Variants in TEX22 observed in about 807,000 individuals in gnomAD.
The protein encoded by TEX22 is testis-expressed protein 22.
A neutral mutation model predicts 11.3 loss-of-function variants in TEX22; 16 were observed. The ratio of observed to expected loss-of-function variants is 1.42; its 90% CI spans 0.96 to 2.15. The LOEUF is 2.15. Ranked by LOEUF, TEX22 falls within the 30% of genes most tolerant of loss-of-function variation. The pLI, the probability that TEX22 is intolerant of heterozygous loss-of-function variation, is 0.00. For missense variants in TEX22, 220 were observed against 208.6 expected, an observed-to-expected ratio of 1.05 and a Z score of -0.34; for synonymous variants, 97 against 92.3, an observed-to-expected ratio of 1.05 and a Z score of -0.29.
Position 105,411,905 on chromosome 14 carries a change from G to T in TEX22, c.*72G>T. 1 of 1,348,226 alleles carries T rather than the reference G, an allele frequency of 7.4e-7. No homozygotes were observed. Among genetic ancestry groups the T allele is most frequent in the Non-Finnish European group, 9.6e-7 (1 of 1,039,062 alleles). 83.5% of individuals were successfully genotyped at this position (1,348,226 alleles called of 1,614,324 possible). On this transcript the variant is annotated 3_prime_UTR_variant, in exon 4 of 4. Coordinates refer to ENST00000451127, the MANE Select transcript of TEX22 (RefSeq NM_001195082.2). ...GGCCCACGGTGGGGGCAGCCTCTGC[G>T]CCTTCTTTGTGCCCCACCAGGGGGT... is the stretch of plus-strand genomic sequence containing the variant.
At chr14:105,399,263 TGTG>T in intron 1 of TEX22, 36 bp from the exon 2 acceptor site, 2 of 1,251,630 alleles carry the variant, frequency 1.6e-6, no homozygotes. Flanking sequence ...TGGGTGGCCT[TGTG>T]GGCCCCGCCC....
At position 105,411,929 on chromosome 14, in the gene TEX22, G is replaced by A. The variant is rs587730561; in HGVS notation, c.*96G>A. ...CGCCTTCTTTGTGCCCCACCAGGGG[G>A]TCACCACCCACCCATGTTAGGAAAA... is the stretch of plus-strand genomic sequence containing the variant. On this transcript the variant is annotated 3_prime_UTR_variant, in exon 4 of 4. Coordinates refer to ENST00000451127, the MANE Select transcript of TEX22 (RefSeq NM_001195082.2). 6.5e-6 allele frequency: 8 copies of A among 1,222,996 alleles called. No individual in the cohort carries two copies. Among genetic ancestry groups the A allele is most frequent in the Non-Finnish European group, 6.5e-6 (6 of 925,780 alleles). 75.8% of individuals were successfully genotyped at this position (1,222,996 alleles called of 1,614,324 possible). A position where few individuals can be genotyped will look rare whatever the true frequency, so the allele number is the denominator to read the frequency against.
At chr14:105,408,754 C>A (rs2081672214) in intron 2 of TEX22, among the ~76,000 whole-genome samples, 1 of 152,120 alleles carries the variant, frequency 6.6e-6, no homozygotes, top group African/African-American at 2.4e-5. Context: ...CTCTGTCTTG[C>A]ATTCTGTCCA....
intron 2 of TEX22, among the ~76,000 whole-genome samples, chr14:105,402,671 G>A (rs1031889248): frequency 9.2e-5 from 14 of 151,748 alleles, no homozygotes; most frequent in East Asian, 3.9e-4. Context: ...CAGGAGAATG[G>A]CGTGAACCCG....
At chr14:105,403,214 A>G (rs1352889409) in intron 2 of TEX22, among the ~76,000 whole-genome samples, 12 of 152,208 alleles carry the variant, frequency 7.9e-5, no homozygotes, top group Non-Finnish European at 1.6e-4. Context: ...TTATTATTCT[A>G]TTGATTAAAA....
chr14:105,399,815 A>G (rs2081615513), intron 2 of TEX22, among the ~76,000 whole-genome samples: 1 of 152,136 alleles, frequency 6.6e-6, no homozygotes, highest in African/African-American at 2.4e-5. Context: ...GAAGGTGGCA[A>G]GAAGCGGGAG....
chr14:105,407,442 G>A (rs1426055508), intron 2 of TEX22, among the ~76,000 whole-genome samples: 1 of 151,978 alleles, frequency 6.6e-6, no homozygotes, highest in Admixed American at 6.6e-5. Flanking sequence ...GCACCATGAC[G>A]GCTCACTGCA....
intron 2 of TEX22, among the ~76,000 whole-genome samples, chr14:105,407,298 G>C (rs1402684342): frequency 1.3e-5 from 2 of 152,040 alleles, no homozygotes; most frequent in Admixed American, 1.3e-4. Context: ...GAACTCCTGA[G>C]CTCAGGCCAT....
intron 2 of TEX22, among the ~76,000 whole-genome samples, chr14:105,410,520 C>T (rs140165079): frequency 1.3e-4 from 20 of 152,350 alleles, no homozygotes; most frequent in African/African-American, 4.8e-4. Flanking sequence ...TTGGAGTGCG[C>T]ACATCTGTTT....
At chr14:105,403,722 A>G (rs1478703949) in intron 2 of TEX22, among the ~76,000 whole-genome samples, 1 of 152,268 alleles carries the variant, frequency 6.6e-6, no homozygotes, top group Non-Finnish European at 1.5e-5. Context: ...GCGCCCAGCC[A>G]GATTTAACGT....
chr14:105,399,041 C>T (rs1433773016), intron 1 of TEX22, among the ~76,000 whole-genome samples: 6 of 152,270 alleles, frequency 3.9e-5, no homozygotes, highest in African/African-American at 1.4e-4. Flanking sequence ...GTGCAGCAGG[C>T]TGCCGAAGGC....
chr14:105,407,300 T>C (rs894770039), intron 2 of TEX22, among the ~76,000 whole-genome samples: 1 of 152,110 alleles, frequency 6.6e-6, no homozygotes, highest in Admixed American at 6.5e-5. Context: ...ACTCCTGAGC[T>C]CAGGCCATTC....
At chr14:105,410,844 GC>G (rs2081685782) in intron 2 of TEX22, among the ~76,000 whole-genome samples, 1 of 152,222 alleles carries the variant, frequency 6.6e-6, no homozygotes, top group Admixed American at 6.5e-5. Context: ...CCCTCCCACA[GC>G]TTCTCCAGCT....
chr14:105,402,534 C>T (rs890270511), intron 2 of TEX22, among the ~76,000 whole-genome samples: 4 of 151,702 alleles, frequency 2.6e-5, no homozygotes, highest in Non-Finnish European at 4.4e-5. Context: ...GCGGGCAGAT[C>T]ACAAGGTCTG....
At chr14:105,411,542 G>T (rs1555419376) in intron 3 of TEX22, 46 bp downstream of exon 3, 13 of 192,028 alleles carry the variant, frequency 6.8e-5, no homozygotes, top group Middle Eastern at 4.7e-3. Flanking sequence ...GCCCCGCCCC[G>T]CCCCTCCGCC....
At chr14:105,401,329 A>C (rs2081625277) in intron 2 of TEX22, among the ~76,000 whole-genome samples, 1 of 152,232 alleles carries the variant, frequency 6.6e-6, no homozygotes, top group South Asian at 2.1e-4. Flanking sequence ...TCACATGATT[A>C]TCTCAATAGA....
In TEX22 at chr14:105,411,871, T is replaced by C; in HGVS notation, c.*38T>C. ...GCCCATTGTCTGTCTTCCAGTGCCT[T>C]TCCTTGGGGGCCCACGGTGGGGGCA... On this transcript the variant is annotated 3_prime_UTR_variant, in exon 4 of 4. Transcript: ENST00000451127. The C allele has an allele frequency of 7.3e-7, 1 of 1,378,356 alleles. No homozygotes were observed. The highest frequency in any genetic ancestry group is 1.5e-5 in the South Asian group (1 of 64,664). 85.4% of individuals were successfully genotyped at this position (1,378,356 alleles called of 1,614,324 possible).
At position 105,411,482 on chromosome 14, in the gene TEX22, C is replaced by T; in HGVS notation, c.265C>T (p.Gln89Ter). The part of the protein sequence containing the change: ...GRERPGAAGT[Q>*]LHCRDVVQMV... Reference sequence around the variant, plus strand: ...GGAGAGGCCGGGCGCCGCCGGGACCCAGCTGCACTGCAGGGTGCGCGGGGG... The same window carrying T: ...GGAGAGGCCGGGCGCCGCCGGGACCTAGCTGCACTGCAGGGTGCGCGGGGG... Residue 89 changes from glutamine to a stop codon, truncating the protein, a stop_gained, in exon 3 of 4, where the codon CAG (glutamine) becomes TAG (stop). Transcript: ENST00000451127. LOFTEE classifies it low-confidence loss of function (END_TRUNC). 4 of 1,242,470 alleles carry T rather than the reference C, an allele frequency of 3.2e-6. No homozygotes were observed. Among genetic ancestry groups the T allele is most frequent in the Non-Finnish European group, 4.0e-6 (4 of 995,612 alleles). 77.0% of individuals were successfully genotyped at this position (1,242,470 alleles called of 1,614,324 possible).
chr14:105,411,301 G>T, intron 2 of TEX22, 67 bp from the exon 3 acceptor site: 1 of 1,240,900 alleles, frequency 8.1e-7, no homozygotes, highest in Non-Finnish European at 1.0e-6. Flanking sequence ...GTCGGCGGGT[G>T]CTGGGTGGGA....
Sources: gnomAD v4.1 joint callset for allele counts (sites outside exome capture counted in the v4.1 genomes callset) on GRCh38, gnomAD v4.1.1 for gene constraint, MANE v1.5 for transcripts, NCBI Gene and HGNC (gene_info 2026-07-23, HGNC 2026-07-21) for gene names.